Variants in PCDH9 observed in about 807,000 individuals in gnomAD.
The protein encoded by PCDH9 is protocadherin 9, also known as protocadherin-9.
PCDH9 carries 24 observed loss-of-function variants against 70.6 expected under a neutral mutation model. The observed-to-expected ratio is 0.34, with a 90% CI of 0.25 to 0.48. PCDH9 has a LOEUF of 0.48. Ranked by LOEUF, PCDH9 falls within the 20% of genes least tolerant of loss-of-function variation. The pLI is 0.99. For missense variants in PCDH9, 1,281 were observed against 1,503.6 expected (o/e 0.85, Z 2.45); for synonymous variants, 562 against 558.5 (o/e 1.01, Z -0.09).
chr13:66,773,625 G>A (rs970448954), intron 3 of PCDH9, among the ~76,000 whole-genome samples: 5 of 150,536 alleles, frequency 3.3e-5, no homozygotes, highest in Admixed American at 6.6e-5. Context: ...GCCAGACACC[G>A]TCTCAAAAAA....
chr13:66,768,010 G>T (rs2139266558), intron 3 of PCDH9, among the ~76,000 whole-genome samples: 1 of 152,136 alleles, frequency 6.6e-6, no homozygotes, highest in Middle Eastern at 3.4e-3. Flanking sequence ...TTCTTCCGTG[G>T]AAAAGATGAG....
intron 2 of PCDH9, among the ~76,000 whole-genome samples, chr13:66,910,035 C>T (rs1455749203): frequency 6.6e-6 from 1 of 152,140 alleles, no homozygotes; most frequent in African/African-American, 2.4e-5. Flanking sequence ...AAGTCCTCTT[C>T]TGTCCTCACA....
chr13:66,514,704 C>T (rs775321742), intron 4 of PCDH9, among the ~76,000 whole-genome samples: 11 of 152,064 alleles, frequency 7.2e-5, no homozygotes, highest in East Asian at 3.9e-4. Flanking sequence ...GTAAGCATTC[C>T]GGATACTTCT....
intron 3 of PCDH9, among the ~76,000 whole-genome samples, chr13:66,705,686 C>T (rs2078702250): frequency 6.6e-6 from 1 of 152,142 alleles, no homozygotes; most frequent in Non-Finnish European, 1.5e-5. Flanking sequence ...TTTTGCTCCT[C>T]TCTCCCACAT....
chr13:66,706,462 T>C (rs2078712792), intron 3 of PCDH9, among the ~76,000 whole-genome samples: 2 of 152,216 alleles, frequency 1.3e-5, no homozygotes, highest in Non-Finnish European at 2.9e-5. Flanking sequence ...TATTAGGATC[T>C]CATCAACTGA....
chr13:66,726,878 A>C (rs192990615), intron 3 of PCDH9, among the ~76,000 whole-genome samples: 1 of 152,192 alleles, frequency 6.6e-6, no homozygotes, highest in African/African-American at 2.4e-5. Flanking sequence ...CATATTCACC[A>C]AAAACAAGAA....
rs1225246713 is a variant in PCDH9, at chr13:66,419,985, G to A, written c.3341-114957C>T. On this transcript the variant is annotated intron_variant, in intron 4 of 4. Transcript: ENST00000377865. ...TATCTGGGATGCTCCAGCTTGGTGG[G>A]GGGAGGGGCATCCGCCATTACTGAG... Among the ~76,000 whole-genome samples the A allele has an allele frequency of 2.0e-5, 3 of 152,080 alleles. No individual in the cohort carries two copies. In the East Asian group the frequency reaches 5.8e-4, roughly 29 times the overall value.
intron 2 of PCDH9, among the ~76,000 whole-genome samples, chr13:66,911,133 GGTAAT>G (rs2082458152): frequency 6.6e-6 from 1 of 152,062 alleles, no homozygotes; most frequent in Non-Finnish European, 1.5e-5. Context: ...TAGAAATTTT[GGTAAT>G]GCAATCAAGA....
Position 66,698,834 on chromosome 13 carries a change from G to A in PCDH9, c.3139-67423C>T, listed in dbSNP as rs961249086. 4.0e-5 allele frequency among the ~76,000 whole-genome samples: 6 copies of A among 150,952 alleles called. No individual in the cohort carries two copies. The South Asian group carries it at 8.4e-4, about 21-fold the overall frequency. On this transcript the variant is annotated intron_variant, in intron 3 of 4. Transcript: ENST00000377865. ...ACTGCTTGGCTCAAGTGATCCACTCGCCTTGGCTTTCCTAAGTTTTGAGAT... is the reference window on the plus strand; with the variant it reads ...ACTGCTTGGCTCAAGTGATCCACTCACCTTGGCTTTCCTAAGTTTTGAGAT...
intron 2 of PCDH9, among the ~76,000 whole-genome samples, chr13:67,093,824 C>CA (rs2086267140): frequency 2.0e-5 from 3 of 152,070 alleles, no homozygotes; most frequent in African/African-American, 7.2e-5. Context: ...TGAACTAATC[C>CA]AAGTCAATAT....
chr13:66,731,635 T>C lies in PCDH9; in HGVS notation c.3139-100224A>G, dbSNP rs562570566. On this transcript the variant is annotated intron_variant, in intron 3 of 4. Transcript: ENST00000377865. Reference sequence around the variant, plus strand: ...TCTTGCATGGAAAGAAAAAGAAAATTCACTTTGAACTGAATTTAGATAAAC... The same window carrying C: ...TCTTGCATGGAAAGAAAAAGAAAATCCACTTTGAACTGAATTTAGATAAAC... Among the ~76,000 whole-genome samples the C allele has an allele frequency of 2.0e-5, 3 of 152,168 alleles. No homozygotes were observed. In the South Asian group the frequency reaches 6.2e-4, roughly 32 times the overall value.
chr13:67,102,626 C>G (rs753147585), intron 2 of PCDH9, among the ~76,000 whole-genome samples: 12 of 152,114 alleles, frequency 7.9e-5, no homozygotes, highest in Non-Finnish European at 1.8e-4. Context: ...TATTTTCCCT[C>G]TAAGTGTGAA....
In PCDH9 at chr13:67,225,919, G is replaced by T; in HGVS notation, c.2522C>A (p.Ala841Glu). 6.2e-7 allele frequency: 1 copy of T among 1,614,070 alleles called. No individual in the cohort carries two copies. Among genetic ancestry groups the T allele is most frequent in the Non-Finnish European group, 8.5e-7 (1 of 1,180,012 alleles). Residue 841 changes from alanine to glutamate, a missense_variant, in exon 2 of 5, where the codon GCA becomes GAA. Physicochemically the swap from Ala to Glu is moderately radical, Grantham distance 107 (BLOSUM62 -1). Around this residue, in one of 4 missense-constraint regions of PCDH9, gnomAD observed 207 missense variants for 191.8 expected, o/e 1.08. Transcript: ENST00000377865. ...CCTCTGAGCTGCTTTGAACCTTGAT[G>T]CATGGCGACAGCGCACCAGAACGGT... is the stretch of plus-strand genomic sequence containing the variant. The part of the protein sequence containing the change: ...FVTVLVRCRH[A>E]SRFKAAQRSK...
intron 2 of PCDH9, chr13:67,205,303 T>C (rs1054728672): frequency 6.6e-6 from 1 of 152,240 alleles, no homozygotes; most frequent in Non-Finnish European, 1.5e-5. Flanking sequence ...TCTCATTGTC[T>C]GGTGAACAAC....
chr13:67,129,746 C>T (rs1055666893), intron 2 of PCDH9, among the ~76,000 whole-genome samples: 1 of 151,726 alleles, frequency 6.6e-6, no homozygotes, highest in Non-Finnish European at 1.5e-5. Context: ...TCTATCTTTC[C>T]AGACACTACA....
chr13:66,806,299 G>A (rs1229357436), intron 3 of PCDH9, among the ~76,000 whole-genome samples: 5 of 152,190 alleles, frequency 3.3e-5, no homozygotes, highest in African/African-American at 1.2e-4. Flanking sequence ...TGGAGCTCTG[G>A]TAATAAATAC....
intron 4 of PCDH9, among the ~76,000 whole-genome samples, chr13:66,419,634 C>G (rs951885124): frequency 9.2e-5 from 14 of 152,106 alleles, no homozygotes; most frequent in African/African-American, 2.9e-4. Context: ...AGATGCTATG[C>G]TTTTCCCATG....
intron 4 of PCDH9, among the ~76,000 whole-genome samples, chr13:66,392,417 G>C (rs1001026845): frequency 3.9e-5 from 6 of 151,914 alleles, no homozygotes; most frequent in African/African-American, 1.5e-4. Flanking sequence ...AATTCATCCT[G>C]GAAAATGTAA....
At chr13:66,703,777 A>G (rs1289685990) in intron 3 of PCDH9, among the ~76,000 whole-genome samples, 1 of 152,034 alleles carries the variant, frequency 6.6e-6, no homozygotes. Flanking sequence ...GAGTGCCTGT[A>G]GTCCCACTAC....
Sources: allele counts gnomAD v4.1 joint callset (sites outside exome capture counted in the v4.1 genomes callset), GRCh38; gene constraint gnomAD v4.1.1; regional missense constraint gnomAD v4.1.1; transcripts MANE v1.5; gene names NCBI Gene and HGNC (gene_info 2026-07-23, HGNC 2026-07-21).